The following STOX2 variants were observed in gnomAD, a reference collection of about 807,000 sequenced individuals.
The protein encoded by STOX2 is storkhead box 2.
Under a neutral mutation model 60.9 loss-of-function variants are expected in STOX2, and 28 were observed. The observed-to-expected ratio is 0.46, with a 90% CI of 0.34 to 0.63. The LOEUF (loss-of-function observed/expected upper bound fraction) is 0.63. Ranked by LOEUF, STOX2 falls within the 30% of genes least tolerant of loss-of-function variation. The pLI, the probability that STOX2 is intolerant of heterozygous loss-of-function variation, is 0.01. For missense variants in STOX2, 1,024 were observed against 1,187.7 expected, an observed-to-expected ratio of 0.86 and a Z score of 2.03; for synonymous variants, 472 against 463.9, an observed-to-expected ratio of 1.02 and a Z score of -0.22.
At chr4:183,837,377 T>C (rs1739739555) in intron 1 of STOX2, among the ~76,000 whole-genome samples, 1 of 152,134 alleles carries the variant, frequency 6.6e-6, no homozygotes, top group African/African-American at 2.4e-5. Context: ...CTATTCTAGG[T>C]ACTTCCTATA....
chr4:183,934,773 T>A (rs1010319750), intron 1 of STOX2, among the ~76,000 whole-genome samples: 1 of 152,228 alleles, frequency 6.6e-6, no homozygotes, highest in Non-Finnish European at 1.5e-5. Flanking sequence ...GCATCTTAAT[T>A]GTAAAATAAA....
chr4:183,897,944 G>C (rs979491431), intron 1 of STOX2, among the ~76,000 whole-genome samples: 4 of 151,994 alleles, frequency 2.6e-5, no homozygotes, highest in African/African-American at 9.7e-5. Flanking sequence ...ATTTAATATT[G>C]AAACAAATTG....
intron 3 of STOX2, 135 bp from the exon 4 acceptor site, chr4:184,016,954 G>A (rs1407496492): frequency 5.8e-6 from 4 of 693,498 alleles, no homozygotes; most frequent in East Asian, 5.7e-5. Flanking sequence ...ATAATCAGTC[G>A]AGATGTATAT....
chr4:183,835,353 A>T (rs1739680208), intron 1 of STOX2, among the ~76,000 whole-genome samples: 1 of 151,342 alleles, frequency 6.6e-6, no homozygotes, highest in Admixed American at 6.6e-5. Context: ...CTTCCCGAGT[A>T]GCTGGGACTA....
intron 1 of STOX2, among the ~76,000 whole-genome samples, chr4:183,832,080 G>A (rs7655504): frequency 0.088 from 13,162 of 150,162 alleles, 1,878 homozygotes; most frequent in African/African-American, 0.31. Context: ...ACCTCTGCCT[G>A]CTAGGTTCAA....
chr4:183,925,018 G>A (rs1048973082), intron 1 of STOX2, among the ~76,000 whole-genome samples: 11 of 152,178 alleles, frequency 7.2e-5, no homozygotes, highest in Non-Finnish European at 1.5e-4. Flanking sequence ...GCAAAAGTGG[G>A]AGTACCAAAC....
chr4:183,798,616 A>G lies in STOX2; in HGVS notation c.364+561A>G, dbSNP rs1738689151. The G allele has an allele frequency of 8.1e-6, 8 of 985,048 alleles. No homozygotes were observed. In the South Asian group the frequency reaches 3.3e-4, roughly 41 times the overall value. 61.0% of individuals were successfully genotyped at this position (985,048 alleles called of 1,614,324 possible). A position where few individuals can be genotyped will look rare whatever the true frequency, so the allele number is the denominator to read the frequency against. The stretch of plus-strand genomic sequence containing the variant: ...ATTTCTCAACGAGGCAAGGCTGCAG[A>G]GTTCGTCTTAAATGTCTCACCTGCA... On this transcript the variant is annotated intron_variant, in intron 1 of 2. Coordinates refer to the STOX2 transcript ENST00000513034.
chr4:183,977,949 G>T (rs185974070), intron 1 of STOX2, among the ~76,000 whole-genome samples: 3 of 152,138 alleles, frequency 2.0e-5, no homozygotes, highest in Non-Finnish European at 4.4e-5. Context: ...GGGGTTACTT[G>T]TTTCTTTCTT....
At chr4:183,814,177 T>G (rs141742440) in intron 1 of STOX2, among the ~76,000 whole-genome samples, 45 of 152,296 alleles carry the variant, frequency 3.0e-4, no homozygotes, top group African/African-American at 1.1e-3. Flanking sequence ...TGGTTCTTTA[T>G]ATTGGATGGA....
intron 1 of STOX2, among the ~76,000 whole-genome samples, chr4:183,989,169 GTTT>G (rs11421201): frequency 2.8e-3 from 222 of 79,992 alleles, no homozygotes; most frequent in African/African-American, 0.012. Flanking sequence ...ATTTTTTCTG[GTTT>G]TTTTTTTTTT....
chr4:183,846,508 G>A (rs148753431), intron 1 of STOX2, among the ~76,000 whole-genome samples: 1 of 152,124 alleles, frequency 6.6e-6, no homozygotes, highest in East Asian at 1.9e-4. Flanking sequence ...CTATCTTCAA[G>A]TTTGCTGATT....
At chr4:183,975,372 G>A (rs58704233) in intron 1 of STOX2, among the ~76,000 whole-genome samples, 7,178 of 152,032 alleles carry the variant, frequency 0.047, 570 homozygotes, top group African/African-American at 0.16. Context: ...GAAAACAATA[G>A]TGGAGAAAAC....
At chr4:183,896,510 T>G (rs1741342987) in intron 1 of STOX2, among the ~76,000 whole-genome samples, 1 of 152,160 alleles carries the variant, frequency 6.6e-6, no homozygotes, top group South Asian at 2.1e-4. Context: ...CCCGGATAAT[T>G]TTTTAATTTT....
rs546868010 is a variant in STOX2, at chr4:183,990,869, T to C, written c.167-10456T>C. Among the ~76,000 whole-genome samples, 7 of 152,188 alleles carry C rather than the reference T, an allele frequency of 4.6e-5. No homozygotes were observed. In the South Asian group the frequency reaches 1.5e-3, roughly 32 times the overall value. On this transcript the variant is annotated intron_variant, in intron 1 of 3. Coordinates refer to ENST00000308497, the MANE Select transcript of STOX2 (RefSeq NM_020225.3). ...TATTGGACAAGCCATCCTTAAGTTATGAGGAGTATGCCGAATTCGGGAAGT... is the reference window on the plus strand; with the variant it reads ...TATTGGACAAGCCATCCTTAAGTTACGAGGAGTATGCCGAATTCGGGAAGT...
Position 184,011,406 on chromosome 4 carries a change from T to C in STOX2, c.2568T>C (p.Ser856=). The C allele has an allele frequency of 1.2e-6, 2 of 1,611,990 alleles. No homozygotes were observed. Among genetic ancestry groups the C allele is most frequent in the Non-Finnish European group, 1.7e-6 (2 of 1,178,954 alleles). ...ACAGCAGCAGCATCACAGTGGACAGTGGATTCAACTCCCCACGGTAGGGAG... is the reference window on the plus strand; with the variant it reads ...ACAGCAGCAGCATCACAGTGGACAGCGGATTCAACTCCCCACGGTAGGGAG... ...SMDSSSITVD[S]GFNSPRTRES... is the part of the protein sequence containing the mutation. The change falls in exon 3 of 4, where the codon AGT becomes AGC. Residue 856 remains serine, a synonymous_variant. Transcript: ENST00000308497. This position sits in a 1 kb window ranked among gnomAD's most constrained non-coding sequence, Gnocchi z 4.4.
chr4:183,815,770 C>T (rs541598111), intron 1 of STOX2, among the ~76,000 whole-genome samples: 1 of 152,308 alleles, frequency 6.6e-6, no homozygotes, highest in African/African-American at 2.4e-5. Context: ...AATGAGGTCT[C>T]TCGAACACTG....
rs183419852 is a variant in STOX2 at position 184,010,122 on chromosome 4, C to T, written c.1284C>T (p.Asn428=). The change falls in exon 3 of 4, where the codon AAC becomes AAT. Residue 428 remains asparagine, a synonymous_variant. Coordinates refer to ENST00000308497, the MANE Select transcript of STOX2 (RefSeq NM_020225.3). This position sits in a 1 kb window ranked among gnomAD's most constrained non-coding sequence, Gnocchi z 4.5. ...GDNFIMHSNT[N]VLESHFPMTP... is the part of the protein sequence containing the mutation. ...ACTTCATCATGCACAGCAACACAAA[C>T]GTGCTCGAGTCCCACTTCCCCATGA... The T allele has an allele frequency of 3.3e-5, 52 of 1,581,654 alleles. No homozygotes were observed. In the African/African-American group the frequency reaches 5.4e-4, roughly 16 times the overall value.
intron 1 of STOX2, among the ~76,000 whole-genome samples, chr4:183,807,593 C>A (rs1738934981): frequency 1.3e-5 from 2 of 152,188 alleles, no homozygotes; most frequent in African/African-American, 4.8e-5. Flanking sequence ...ATCTCTGCGG[C>A]CTTCACAGCC....
rs370076820 is a variant in STOX2 at position 184,010,542 on chromosome 4, C to A, written c.1704C>A (p.Ser568Arg). The stretch of plus-strand genomic sequence containing the variant: ...TCAGTGGCAGCAAGGAACCGTCCAG[C>A]GCTTGCAGCCTTTTGGAGCCAGGAA... ...EIVSGSKEPS[S>R]ACSLLEPGKP... is the part of the protein sequence containing the mutation. Residue 568 changes from serine to arginine, a missense_variant, in exon 3 of 4, where the codon AGC becomes AGA. Physicochemically the swap from Ser to Arg is moderately radical, Grantham distance 110. Transcript: ENST00000308497. The surrounding 1 kb of genome is among the most constrained non-coding windows in gnomAD (Gnocchi z 4.5). 6.2e-7 allele frequency: 1 copy of A among 1,613,834 alleles called. No individual in the cohort carries two copies.
Sources: gnomAD v4.1 joint callset for allele counts (sites outside exome capture counted in the v4.1 genomes callset) on GRCh38, gnomAD v4.1.1 for gene constraint, Gnocchi (gnomAD v3.1) non-coding constraint, MANE v1.5 for transcripts, NCBI Gene and HGNC (gene_info 2026-07-23, HGNC 2026-07-21) for gene names.